The following PCDH11X variants were observed in gnomAD, a reference collection of about 807,000 sequenced individuals.
PCDH11X encodes protocadherin-11 X-linked.
PCDH11X carries 18 observed loss-of-function variants against 53.3 expected under a neutral mutation model. That is an observed-to-expected ratio of 0.34 (90% CI 0.23 to 0.50). PCDH11X has a LOEUF of 0.50. Among genes scored for constraint, PCDH11X ranks in the 20% least tolerant of loss-of-function variants. The probability of loss-of-function intolerance (pLI) is 0.98; values close to 1 mark genes in which losing one functional copy is unlikely to be tolerated. For synonymous variants in PCDH11X, 279 were observed against 393.3 expected, an observed-to-expected ratio of 0.71 and a Z score of 3.44; for missense variants, 570 against 1,032.4, an observed-to-expected ratio of 0.55 and a Z score of 6.14.
intron 6 of PCDH11X, among the ~76,000 whole-genome samples, chrX:92,138,572 A>AT (rs2065122257): frequency 9.0e-6 from 1 of 111,158 alleles, no homozygotes; most frequent in African/African-American, 3.3e-5. Context: ...GAAATATAAT[A>AT]TCAAATATAA....
chrX:92,142,613 T>G (rs2065202184), intron 6 of PCDH11X, among the ~76,000 whole-genome samples: 1 of 111,037 alleles, frequency 9.0e-6, no homozygotes, highest in African/African-American at 3.3e-5. Context: ...ATTGGTAAGC[T>G]AAATATTTAA....
At chrX:92,137,641 T>C (rs887444071) in intron 6 of PCDH11X, among the ~76,000 whole-genome samples, 1 of 110,561 alleles carries the variant, frequency 9.0e-6, no homozygotes, top group Non-Finnish European at 1.9e-5. Context: ...TTTTAAAATA[T>C]GTTCCTCAAC....
At chrX:91,800,723 A>G (rs1348454996) in intron 1 of PCDH11X, among the ~76,000 whole-genome samples, 1 of 111,243 alleles carries the variant, frequency 9.0e-6, no homozygotes, top group East Asian at 2.8e-4. Flanking sequence ...GCTATCATTG[A>G]CTTTGGAAAA....
chrX:92,179,740 A>G (rs900273711), intron 6 of PCDH11X, among the ~76,000 whole-genome samples: 3 of 112,105 alleles, frequency 2.7e-5, no homozygotes, highest in Admixed American at 9.5e-5. Context: ...AATTAGAGGT[A>G]ATACAGTTGT....
intron 8 of PCDH11X, among the ~76,000 whole-genome samples, chrX:92,361,007 G>A (rs1347454818): frequency 9.2e-6 from 1 of 108,918 alleles, no homozygotes; most frequent in African/African-American, 3.3e-5. Context: ...ATCCAAAGAA[G>A]CTGATTTATT....
At chrX:91,966,774 T>C (rs2061870399) in intron 6 of PCDH11X, among the ~76,000 whole-genome samples, 2 of 111,308 alleles carry the variant, frequency 1.8e-5, no homozygotes, top group African/African-American at 6.5e-5. Context: ...AAAAAAAGAA[T>C]AGTTTGTTGG....
intron 9 of PCDH11X, among the ~76,000 whole-genome samples, chrX:92,462,922 A>C (rs2073081762): frequency 9.0e-6 from 1 of 111,144 alleles, no homozygotes; most frequent in African/African-American, 3.3e-5. Context: ...CAATGTAATT[A>C]GTGAAGTCAG....
intron 6 of PCDH11X, among the ~76,000 whole-genome samples, chrX:91,910,858 T>A (rs1384758457): frequency 9.0e-6 from 1 of 111,203 alleles, no homozygotes; most frequent in Non-Finnish European, 1.9e-5. Context: ...TAATAATACA[T>A]GGCAGATAAG....
intron 8 of PCDH11X, among the ~76,000 whole-genome samples, chrX:92,375,678 G>A (rs970874915): frequency 6.4e-5 from 7 of 109,951 alleles, no homozygotes; most frequent in African/African-American, 2.3e-4. Flanking sequence ...AGGCTGGAGT[G>A]CAGTGGCTCA....
intron 10 of PCDH11X, among the ~76,000 whole-genome samples, chrX:92,497,146 G>A (rs60719326): frequency 0.01 from 1,116 of 110,083 alleles, 15 homozygotes; most frequent in African/African-American, 0.034. Context: ...GAAGTTGTTG[G>A]GTGAAGCTTG....
intron 6 of PCDH11X, among the ~76,000 whole-genome samples, chrX:91,968,823 CTTAGT>C (rs769205645): frequency 3.5e-3 from 384 of 111,219 alleles, no homozygotes; most frequent in African/African-American, 0.012. Flanking sequence ...AAATGGGTGA[CTTAGT>C]TTAGTCATAT....
Position 91,878,589 on chromosome X carries a change from T to C in PCDH11X, c.2349T>C (p.Asn783=), listed in dbSNP as rs776554663. The part of the protein sequence containing the change: ...NESVTNATLI[N]ELVRKSTEAP... ...CGGTGACCAATGCTACACTGATTAA[T>C]GAACTGGTGCGCAAAAGCACTGAAG... Residue 783 remains asparagine (N), a synonymous_variant, in exon 6 of 11, where the codon AAT becomes AAC. Coordinates refer to ENST00000682573, the MANE Select transcript of PCDH11X (RefSeq NM_032968.5). 3 of 1,209,469 alleles carry C rather than the reference T, an allele frequency of 2.5e-6. No homozygotes were observed. The highest frequency in any genetic ancestry group is 3.5e-5 in the African/African-American group (2 of 57,024).
intron 6 of PCDH11X, among the ~76,000 whole-genome samples, chrX:91,938,000 G>T (rs1355817778): frequency 2.7e-5 from 3 of 110,729 alleles, no homozygotes; most frequent in African/African-American, 9.8e-5. Flanking sequence ...AACAATACTG[G>T]TTCTTTTAAA....
At chrX:92,465,950 CAT>C (rs1237519999) in intron 9 of PCDH11X, among the ~76,000 whole-genome samples, 1 of 110,780 alleles carries the variant, frequency 9.0e-6, no homozygotes, top group Non-Finnish European at 1.9e-5. Flanking sequence ...TTTATGCAAA[CAT>C]AATTTTTTAT....
chrX:91,884,595 T>A (rs1940112210), intron 6 of PCDH11X, among the ~76,000 whole-genome samples: 1 of 111,748 alleles, frequency 8.9e-6, no homozygotes, highest in African/African-American at 3.3e-5. Context: ...GTCAACTAAC[T>A]CATTTCCTAC....
intron 9 of PCDH11X, among the ~76,000 whole-genome samples, chrX:92,457,260 T>TC (rs1325183031): frequency 2.7e-5 from 3 of 109,989 alleles, no homozygotes; most frequent in African/African-American, 9.9e-5. Context: ...ATCCCTCCTT[T>TC]CCCCATGTGT....
At chrX:91,819,500 G>A (rs1936565310) in intron 4 of PCDH11X, among the ~76,000 whole-genome samples, 1 of 109,221 alleles carries the variant, frequency 9.2e-6, no homozygotes, top group African/African-American at 3.3e-5. Context: ...ATAAAATAAT[G>A]AATACTCCAA....
At chrX:92,038,278 C>T (rs1238703265) in intron 6 of PCDH11X, among the ~76,000 whole-genome samples, 6 of 110,564 alleles carry the variant, frequency 5.4e-5, no homozygotes, top group African/African-American at 2.0e-4. Context: ...ATCACAGGCT[C>T]AGAGGCCTAG....
chrX:92,093,462 T>A (rs889519325), intron 6 of PCDH11X, among the ~76,000 whole-genome samples: 10 of 111,874 alleles, frequency 8.9e-5, no homozygotes, highest in Non-Finnish European at 1.3e-4. Flanking sequence ...ACTACATCAG[T>A]GTGAACCAGA....
Sources: gnomAD v4.1 joint callset for allele counts (sites outside exome capture counted in the v4.1 genomes callset) on GRCh38, gnomAD v4.1.1 for gene constraint, MANE v1.5 for transcripts, NCBI Gene and HGNC (gene_info 2026-07-23, HGNC 2026-07-21) for gene names.